The following NELL1 variants were observed in gnomAD, a reference collection of about 807,000 sequenced individuals.
The protein encoded by NELL1 is neural EGFL like 1, also known as protein kinase C-binding protein NELL1.
In NELL1, 76 loss-of-function variants were observed where a neutral mutation model predicts 107.4. The observed-to-expected ratio is 0.71, with a 90% CI of 0.59 to 0.86. NELL1 has a LOEUF of 0.86. NELL1 is among the 40% of genes least tolerant of loss of function. NELL1 has a pLI of 0.00. For synonymous variants in NELL1, 353 were observed against 341.2 expected, an observed-to-expected ratio of 1.03 and a Z score of -0.38; for missense variants, 1,024 against 1,005.5, an observed-to-expected ratio of 1.02 and a Z score of -0.25.
At chr11:21,450,012 TCATTCTTTTGAAAG>T (rs1853538399) in intron 15 of NELL1, among the ~76,000 whole-genome samples, 1 of 152,224 alleles carries the variant, frequency 6.6e-6, no homozygotes, top group Non-Finnish European at 1.5e-5. Context: ...AAAAATTATT[TCATTCTTTTGAAAG>T]TTATCAAAAC....
intron 12 of NELL1, among the ~76,000 whole-genome samples, chr11:21,106,170 C>T (rs1164132179): frequency 1.3e-5 from 2 of 151,914 alleles, no homozygotes; most frequent in Non-Finnish European, 2.9e-5. Context: ...CTAAAAAGAT[C>T]AGAGACCTAG....
intron 14 of NELL1, among the ~76,000 whole-genome samples, chr11:21,235,858 G>T (rs868682462): frequency 3.9e-4 from 59 of 152,144 alleles, no homozygotes; most frequent in African/African-American, 1.4e-3. Flanking sequence ...CAGAATAATG[G>T]AAAAACATAC....
intron 14 of NELL1, among the ~76,000 whole-genome samples, chr11:21,354,390 G>A (rs1349368071): frequency 6.6e-6 from 1 of 151,806 alleles, no homozygotes; most frequent in Non-Finnish European, 1.5e-5. Flanking sequence ...GCTTCACTTA[G>A]TTAAAACTTC....
At chr11:20,793,463 G>A (rs1183936530) in intron 3 of NELL1, among the ~76,000 whole-genome samples, 1 of 151,884 alleles carries the variant, frequency 6.6e-6, no homozygotes, top group East Asian at 1.9e-4. Flanking sequence ...TAGTTTTATT[G>A]ATCAAGTGGA....
chr11:20,690,229 G>T (rs1297831170), intron 2 of NELL1, among the ~76,000 whole-genome samples: 1 of 151,948 alleles, frequency 6.6e-6, no homozygotes, highest in Non-Finnish European at 1.5e-5. Flanking sequence ...CCATTCTGTA[G>T]GTTGCCTGTT....
intron 14 of NELL1, among the ~76,000 whole-genome samples, chr11:21,335,209 TC>T (rs1413250135): frequency 1.3e-5 from 2 of 152,106 alleles, no homozygotes; most frequent in African/African-American, 4.8e-5. Flanking sequence ...TTTTATTCAT[TC>T]TATTTTAATT....
chr11:21,422,092 C>CGTGT (rs1564886248), intron 15 of NELL1, among the ~76,000 whole-genome samples: 41 of 50,078 alleles, frequency 8.2e-4, no homozygotes, highest in African/African-American at 1.6e-3. Context: ...GACATTTACA[C>CGTGT]ATATGTGTGT....
chr11:20,688,660 A>G lies in NELL1; in HGVS notation c.184+10600A>G, dbSNP rs1045434899. Among the ~76,000 whole-genome samples, 4 of 152,258 alleles carry G rather than the reference A, an allele frequency of 2.6e-5. No individual in the cohort carries two copies. In the South Asian group the frequency reaches 8.3e-4, roughly 32 times the overall value. On this transcript the variant is annotated intron_variant, in intron 2 of 19. Coordinates refer to ENST00000357134, the MANE Select transcript of NELL1 (RefSeq NM_006157.5). ...ATTAATGGCCACCTAGATTGATTGC[A>G]TGTCTTTGCTATTGTGAATAGTGCT...
chr11:20,773,294 C>A (rs896273984), intron 2 of NELL1, among the ~76,000 whole-genome samples: 3 of 152,142 alleles, frequency 2.0e-5, no homozygotes, highest in Admixed American at 6.6e-5. Flanking sequence ...TGGCTGTATA[C>A]CAAATAAGCT....
rs563006339 is a variant in NELL1 at position 21,204,227 on chromosome 11, C to T, written c.1427-25105C>T. ...TGTTTTCCAACTTGGTTCCATTCCC[C>T]TGTCACTTTCAGGTACACCAATCAA... On this transcript the variant is annotated intron_variant, in intron 13 of 19. Transcript: ENST00000357134. Among the ~76,000 whole-genome samples, 4 of 152,276 alleles carry T rather than the reference C, an allele frequency of 2.6e-5. No homozygotes were observed. The South Asian group carries it at 8.3e-4, about 32-fold the overall frequency.
chr11:21,540,772 GC>G (rs1856272977), intron 16 of NELL1, among the ~76,000 whole-genome samples: 1 of 151,930 alleles, frequency 6.6e-6, no homozygotes, highest in Admixed American at 6.6e-5. Context: ...ATCCTACCAG[GC>G]CCCTCCTCCA....
intron 15 of NELL1, among the ~76,000 whole-genome samples, chr11:21,500,195 C>CAGAT (rs1855099041): frequency 6.6e-6 from 1 of 151,984 alleles, no homozygotes; most frequent in Non-Finnish European, 1.5e-5. Context: ...TCTAGTTCAC[C>CAGAT]AGATAAGTTC....
intron 15 of NELL1, among the ~76,000 whole-genome samples, chr11:21,491,907 C>G (rs1854828911): frequency 6.6e-6 from 1 of 152,020 alleles, no homozygotes; most frequent in Non-Finnish European, 1.5e-5. Flanking sequence ...CTGAAAAGGT[C>G]CTTCACTTCC....
chr11:21,342,702 G>GGA (rs34390468), intron 14 of NELL1, among the ~76,000 whole-genome samples: 23,213 of 144,838 alleles, frequency 0.16, 1,854 homozygotes, highest in Non-Finnish European at 0.19. Context: ...GAAGGAAGAG[G>GGA]GAGAGAGAGA....
rs538609004 is a variant in NELL1 at position 21,397,925 on chromosome 11, T to C, written c.1645+26977T>C. On this transcript the variant is annotated intron_variant, in intron 15 of 19. Coordinates refer to ENST00000357134, the MANE Select transcript of NELL1 (RefSeq NM_006157.5). ...CAAAGCTCTCACCAGATACCGAATC[T>C]GCTTGAACCTTGATCTTGGACTCTT... Among the ~76,000 whole-genome samples the C allele has an allele frequency of 4.6e-5, 7 of 151,700 alleles. No homozygotes were observed. The East Asian group carries it at 1.4e-3, about 30-fold the overall frequency.
chr11:21,140,673 T>C (rs1287302650), intron 13 of NELL1, among the ~76,000 whole-genome samples: 1 of 152,188 alleles, frequency 6.6e-6, no homozygotes, highest in East Asian at 1.9e-4. Flanking sequence ...TTAGGTCATA[T>C]CATAAAAAAG....
chr11:21,243,113 T>C (rs2133900670), intron 14 of NELL1, among the ~76,000 whole-genome samples: 1 of 152,224 alleles, frequency 6.6e-6, no homozygotes, highest in South Asian at 2.1e-4. Flanking sequence ...GATGATGCCA[T>C]TTTTAATGTG....
At chr11:21,087,099 A>G (rs1438560552) in intron 12 of NELL1, among the ~76,000 whole-genome samples, 1 of 152,202 alleles carries the variant, frequency 6.6e-6, no homozygotes, top group Non-Finnish European at 1.5e-5. Flanking sequence ...TCGGCCGCCC[A>G]AAGTGCTGGG....
rs1455321903 is a variant in NELL1, at chr11:20,755,554, T to A, written c.185-28126T>A. Among the ~76,000 whole-genome samples the A allele has an allele frequency of 3.1e-3, 53 of 17,116 alleles. No individual in the cohort carries two copies. In the South Asian group the frequency reaches 0.11, roughly 37 times the overall value. 11.2% of individuals were successfully genotyped at this position (17,116 alleles called of 152,430 possible). A position where few individuals can be genotyped will look rare whatever the true frequency, so the allele number is the denominator to read the frequency against. ...TGTGGGTTTTTGTTTTTTTTTGTTT[T>A]TGTTTTTGTTTTTTTTTTTTTGAGA... is the stretch of plus-strand genomic sequence containing the variant. On this transcript the variant is annotated intron_variant, in intron 2 of 19. Coordinates refer to ENST00000357134, the MANE Select transcript of NELL1 (RefSeq NM_006157.5).
Sources: gnomAD v4.1 joint callset for allele counts (sites outside exome capture counted in the v4.1 genomes callset) on GRCh38, gnomAD v4.1.1 for gene constraint, MANE v1.5 for transcripts, NCBI Gene and HGNC (gene_info 2026-07-23, HGNC 2026-07-21) for gene names.